IST1: variants seen among roughly 807,000 people sequenced by gnomAD.
IST1 encodes the protein IST1 factor associated with ESCRT-III, also known as IST1 homolog.
In IST1, 23 loss-of-function variants were observed where a neutral mutation model predicts 37.0. The observed-to-expected ratio is 0.62, with a 90% CI of 0.45 to 0.88. The LOEUF (loss-of-function observed/expected upper bound fraction) is 0.88, where lower values mean the gene tolerates loss of function less well. IST1 is among the 40% of genes least tolerant of loss of function. IST1 has a pLI of 0.00. For synonymous variants in IST1, 180 were observed against 161.7 expected (o/e 1.11, Z -0.86); for missense variants, 488 against 445.4 (o/e 1.10, Z -0.86).
chr16:71,921,653 G>A, intron 6 of IST1, 200 bp downstream of exon 6: 1 of 506,714 alleles, frequency 2.0e-6, no homozygotes, highest in Non-Finnish European at 3.5e-6. Flanking sequence ...CTTTGAGAAG[G>A]TCAAAACCTT....
At chr16:71,923,975 T>A in intron 8 of IST1, 3 of 373,086 alleles carry the variant, frequency 8.0e-6, no homozygotes, top group Non-Finnish European at 1.6e-5. Flanking sequence ...TGTCTCCATC[T>A]AGTATTTTAC....
intron 9 of IST1, among the ~76,000 whole-genome samples, chr16:71,925,365 G>C (rs2037717027): frequency 6.9e-6 from 1 of 144,568 alleles, no homozygotes; most frequent in African/African-American, 2.6e-5. Flanking sequence ...TGCCCAGGCT[G>C]GAGTGTGGTG....
intron 1 of IST1, among the ~76,000 whole-genome samples, chr16:71,911,295 G>T (rs1023521683): frequency 9.2e-5 from 14 of 151,682 alleles, no homozygotes; most frequent in Admixed American, 2.0e-4. Flanking sequence ...CATTTGTTCG[G>T]CAGTTATTAT....
At position 71,928,001 on chromosome 16, in the gene IST1, C is replaced by G. The variant is rs1026348403; in HGVS notation, c.*188C>G. On this transcript the variant is annotated 3_prime_UTR_variant, in exon 10 of 10. Transcript: ENST00000378799. The stretch of plus-strand genomic sequence containing the variant: ...AGTTCTCTGTTGATCCTGAGACTAA[C>G]AATTGGAGACTGAGGCCAGAGCAAC... 1.7e-6 allele frequency: 1 copy of G among 576,946 alleles called. No homozygotes were observed. Among genetic ancestry groups the G allele is most frequent in the Non-Finnish European group, 3.1e-6 (1 of 323,602 alleles). 35.7% of individuals were successfully genotyped at this position (576,946 alleles called of 1,614,324 possible). A position where few individuals can be genotyped will look rare whatever the true frequency, so the allele number is the denominator to read the frequency against.
At chr16:71,909,833 C>T (rs2037312274) in intron 1 of IST1, among the ~76,000 whole-genome samples, 1 of 152,178 alleles carries the variant, frequency 6.6e-6, no homozygotes. Context: ...GAGTAGTTGT[C>T]TACTAAGGGC....
rs2037876197 is a variant in IST1 at position 71,930,051 on chromosome 16, C to T, written c.*2238C>T. On this transcript the variant is annotated 3_prime_UTR_variant, in exon 10 of 10. Transcript: ENST00000378799. ...TGCTAGTTTATCTTTTAGTTACCTACCTTAAGCGACTTTCTTTCTTTTCCA... is the reference window on the plus strand; with the variant it reads ...TGCTAGTTTATCTTTTAGTTACCTATCTTAAGCGACTTTCTTTCTTTTCCA... 1 of 1,548,350 alleles carries T rather than the reference C, an allele frequency of 6.5e-7. No individual in the cohort carries two copies.
intron 9 of IST1, among the ~76,000 whole-genome samples, chr16:71,926,950 A>G (rs937512319): frequency 6.6e-6 from 1 of 152,112 alleles, no homozygotes; most frequent in East Asian, 1.9e-4. Context: ...TTTGCCCCCA[A>G]TCCCTAAAGA....
At chr16:71,902,625 C>G (rs1306073491) in intron 1 of IST1, among the ~76,000 whole-genome samples, 1 of 152,088 alleles carries the variant, frequency 6.6e-6, no homozygotes, top group African/African-American at 2.4e-5. Flanking sequence ...TTCTTTGTGT[C>G]AAATTTAGTA....
intron 4 of IST1, among the ~76,000 whole-genome samples, chr16:71,918,719 T>C (rs1470951566): frequency 6.6e-6 from 1 of 152,172 alleles, no homozygotes; most frequent in Non-Finnish European, 1.5e-5. Flanking sequence ...TTGAGCCGTT[T>C]TTGGTCTCTT....
At chr16:71,915,560 T>A in intron 1 of IST1, 66 bp from the exon 2 acceptor site, 1 of 1,029,672 alleles carries the variant, frequency 9.7e-7, no homozygotes, top group Non-Finnish European at 1.5e-6. Flanking sequence ...AATTCACCCC[T>A]AAGAGGTGTT....
intron 1 of IST1, among the ~76,000 whole-genome samples, chr16:71,908,321 A>C (rs1183027966): frequency 4.9e-5 from 1 of 20,254 alleles, no homozygotes; most frequent in Admixed American, 6.0e-4. Context: ...TTTTTTTTGG[A>C]GACAGTCTTG....
rs769698886 is a variant in IST1 at position 71,907,280 on chromosome 16, AT to A, written c.-15-8331del. Among the ~76,000 whole-genome samples, 766 of 125,232 alleles carry A rather than the reference AT, an allele frequency of 6.1e-3. 3 individuals carry two copies. Among genetic ancestry groups the A allele is most frequent in the Middle Eastern group, 0.031 (8 of 254 alleles). The allele number at this position is 125,232 out of a possible 152,430, so 82.2% of individuals were successfully genotyped here. ...ATACTCTTTCTCCTATCCTTATGGG[AT>A]TTTTTTTTTTTTTTGAGACAGTCTC... On this transcript the variant is annotated intron_variant, in intron 1 of 9. Coordinates refer to ENST00000378799, the MANE Select transcript of IST1 (RefSeq NM_001270975.2).
At chr16:71,926,540 G>A (rs2037748093) in intron 9 of IST1, among the ~76,000 whole-genome samples, 1 of 151,790 alleles carries the variant, frequency 6.6e-6, no homozygotes, top group South Asian at 2.1e-4. Flanking sequence ...TAGAGATGGG[G>A]TTTCACCATG....
At chr16:71,918,962 C>T (rs1017791210) in intron 4 of IST1, among the ~76,000 whole-genome samples, 1 of 152,208 alleles carries the variant, frequency 6.6e-6, no homozygotes, top group African/African-American at 2.4e-5. Context: ...ATGTTGGGAC[C>T]ACTCTGGTCC....
chr16:71,917,762 T>C (rs1183239583), intron 4 of IST1, among the ~76,000 whole-genome samples: 4 of 152,236 alleles, frequency 2.6e-5, no homozygotes, highest in Non-Finnish European at 5.9e-5. Context: ...TTCCTTCTTT[T>C]CTAGGTTTTT....
At position 71,929,462 on chromosome 16, in the gene IST1, T is replaced by C; in HGVS notation, c.*1649T>C. The C allele has an allele frequency of 1.5e-6, 2 of 1,359,938 alleles. No individual in the cohort carries two copies. The highest frequency in any genetic ancestry group is 2.0e-6 in the Non-Finnish European group (2 of 1,019,172). The allele number at this position is 1,359,938 out of a possible 1,614,324, so 84.2% of individuals were successfully genotyped here. A position where few individuals can be genotyped will look rare whatever the true frequency, so the allele number is the denominator to read the frequency against. On this transcript the variant is annotated 3_prime_UTR_variant, in exon 10 of 10. Coordinates refer to ENST00000378799, the MANE Select transcript of IST1 (RefSeq NM_001270975.2). ...ACAGAATTAAAAACAAAGTATATTA[T>C]AATTTTAAAGCTATGCCATGCAAAG...
intron 1 of IST1, among the ~76,000 whole-genome samples, chr16:71,910,388 C>G (rs1400413922): frequency 6.6e-6 from 1 of 152,056 alleles, no homozygotes; most frequent in Non-Finnish European, 1.5e-5. Context: ...AGGCGGATTA[C>G]AAAGTCAGGA....
At chr16:71,910,562 T>C (rs1206200658) in intron 1 of IST1, among the ~76,000 whole-genome samples, 1 of 148,086 alleles carries the variant, frequency 6.8e-6, no homozygotes, top group Admixed American at 6.9e-5. Flanking sequence ...GCCGAGATTG[T>C]GCCGCTGCAC....
chr16:71,905,892 A>T (rs74990318), intron 1 of IST1, among the ~76,000 whole-genome samples: 1,956 of 152,336 alleles, frequency 0.013, 21 homozygotes, highest in Non-Finnish European at 0.018. Flanking sequence ...AGAGACTTGC[A>T]GAGCCATCTG....
Sources: allele counts gnomAD v4.1 joint callset (sites outside exome capture counted in the v4.1 genomes callset), GRCh38; gene constraint gnomAD v4.1.1; transcripts MANE v1.5; gene names NCBI Gene and HGNC (gene_info 2026-07-23, HGNC 2026-07-21).